The following VAV1 variants were observed in gnomAD, a reference collection of about 807,000 sequenced individuals.
The protein encoded by VAV1 is vav guanine nucleotide exchange factor 1, also known as proto-oncogene vav.
In VAV1, 33 loss-of-function variants were observed where a neutral mutation model predicts 128.1. The observed-to-expected ratio is 0.26, with a 90% confidence interval of 0.20 to 0.34. VAV1 has a LOEUF of 0.34. Among genes scored for constraint, VAV1 ranks in the 10% least tolerant of loss-of-function variants. The pLI is 1.00. For missense variants in VAV1, 715 were observed against 1,093.7 expected, an observed-to-expected ratio of 0.65 and a Z score of 4.88; for synonymous variants, 394 against 409.8, an observed-to-expected ratio of 0.96 and a Z score of 0.47.
chr19:6,823,765 C>T (rs1028170615), intron 6 of VAV1, among the ~76,000 whole-genome samples: 2 of 152,070 alleles, frequency 1.3e-5, no homozygotes, highest in Admixed American at 6.6e-5. Flanking sequence ...CCTCACCTCT[C>T]CATTTCTTTT....
chr19:6,836,876 A>G (rs77469557), intron 20 of VAV1, 109 bp from the exon 21 acceptor site: 1 of 688,236 alleles, frequency 1.5e-6, no homozygotes, highest in Non-Finnish European at 2.5e-6. Context: ...ACACACACAC[A>G]CACGAGTGAT....
At chr19:6,824,188 G>A (rs1971859519) in intron 6 of VAV1, among the ~76,000 whole-genome samples, 1 of 152,206 alleles carries the variant, frequency 6.6e-6, no homozygotes, top group South Asian at 2.1e-4. Flanking sequence ...TGATCCTCCT[G>A]CCTTGGCCTC....
intron 15 of VAV1, among the ~76,000 whole-genome samples, chr19:6,832,671 T>TTCCTCC (rs1972110680): frequency 1.6e-5 from 2 of 122,524 alleles, no homozygotes; most frequent in African/African-American, 6.3e-5. Context: ...CCTCCTCCTC[T>TTCCTCC]TCCTCCTCTT....
Position 6,850,571 on chromosome 19 carries a change from C to A in VAV1, c.2130-99C>A, listed in dbSNP as rs867152789. On this transcript the variant is annotated intron_variant, in intron 23 of 26. Transcript: ENST00000602142. ...TTGTCTTTGGTTTCCAGTAGTTACTCCTCCCTGAAGGGGTCAAGGTTGCTT... is the reference window on the plus strand; with the variant it reads ...TTGTCTTTGGTTTCCAGTAGTTACTACTCCCTGAAGGGGTCAAGGTTGCTT... 68 of 1,128,700 alleles carry A rather than the reference C, an allele frequency of 6.0e-5. 2 individuals carry two copies. In the South Asian group the frequency reaches 8.5e-4, roughly 14 times the overall value. The allele number at this position is 1,128,700 out of a possible 1,614,324, so 69.9% of individuals were successfully genotyped here.
At chr19:6,840,899 C>A (rs1225435540) in intron 21 of VAV1, among the ~76,000 whole-genome samples, 4 of 151,926 alleles carry the variant, frequency 2.6e-5, no homozygotes. Flanking sequence ...CCCACTTCAG[C>A]CTCGAGTAGC....
At chr19:6,851,588 T>A (rs1972676266) in intron 24 of VAV1, among the ~76,000 whole-genome samples, 1 of 152,206 alleles carries the variant, frequency 6.6e-6, no homozygotes, top group African/African-American at 2.4e-5. Context: ...CTAGCTTCAC[T>A]GAATGGCAGA....
intron 1 of VAV1, among the ~76,000 whole-genome samples, chr19:6,774,921 ATTTTT>A (rs61404391): frequency 1.5e-5 from 2 of 137,354 alleles, no homozygotes; most frequent in Non-Finnish European, 3.1e-5. Flanking sequence ...TGCCTGCCTA[ATTTTT>A]TTTTTTTTTT....
rs1328022683 is a variant in VAV1 at position 6,822,399 on chromosome 19, G to A, written c.559-20G>A. 6.4e-7 allele frequency: 1 copy of A among 1,554,902 alleles called. No homozygotes were observed. The stretch of plus-strand genomic sequence containing the variant: ...GGCAGCCCCAGGCCCCCCAACACCG[G>A]CCTCTCCCCTCGCTCTCAGCCCAAG... On this transcript the variant is annotated intron_variant, in intron 5 of 26. Transcript: ENST00000602142. This position sits in a 1 kb window ranked among gnomAD's most constrained non-coding sequence, Gnocchi z 5.9.
At position 6,828,385 on chromosome 19, in the gene VAV1, G is replaced by T; in HGVS notation, c.1024-34G>T. On this transcript the variant is annotated intron_variant, in intron 10 of 26. Transcript: ENST00000602142. The surrounding 1 kb of genome is among the most constrained non-coding windows in gnomAD (Gnocchi z 4.5). ...CCTCCCCGCAGGGAGAAGGGGAGGG[G>T]CCCAGGTGACGTCTGACGTCTTGGT... is the stretch of plus-strand genomic sequence containing the variant. 6.2e-7 allele frequency: 1 copy of T among 1,613,446 alleles called. No homozygotes were observed. Among genetic ancestry groups the T allele is most frequent in the South Asian group, 1.1e-5 (1 of 91,042 alleles).
At chr19:6,778,215 G>A (rs1023921089) in intron 1 of VAV1, among the ~76,000 whole-genome samples, 1 of 152,172 alleles carries the variant, frequency 6.6e-6, no homozygotes, top group Non-Finnish European at 1.5e-5. Flanking sequence ...AGGATTGCAG[G>A]CGTTAAGCCA....
chr19:6,825,227 G>T lies in VAV1; in HGVS notation c.724-76G>T, dbSNP rs924879068. The T allele has an allele frequency of 2.5e-6, 4 of 1,574,338 alleles. No individual in the cohort carries two copies. In the African/African-American group the frequency reaches 4.1e-5, roughly 16 times the overall value. ...GGTTGGGAGTTGAGCGGCATGGGGCGGGTGGATGACCCTTTCCTTCCTGGC... is the reference window on the plus strand; with the variant it reads ...GGTTGGGAGTTGAGCGGCATGGGGCTGGTGGATGACCCTTTCCTTCCTGGC... On this transcript the variant is annotated intron_variant, in intron 7 of 26. Transcript: ENST00000602142.
Position 6,843,688 on chromosome 19 carries a change from G to GT in VAV1, c.2012+527dup, listed in dbSNP as rs529940895. Among the ~76,000 whole-genome samples, 514 of 152,240 alleles carry GT rather than the reference G, an allele frequency of 3.4e-3. 2 individuals are homozygous for GT. The highest frequency in any genetic ancestry group is 0.012 in the African/African-American group (501 of 41,540). On this transcript the variant is annotated intron_variant, in intron 22 of 26. Coordinates refer to ENST00000602142, the MANE Select transcript of VAV1 (RefSeq NM_005428.4). The stretch of plus-strand genomic sequence containing the variant: ...TTAATGACAGTATCTACTTCATAGT[G>GT]TTTTTAGGAGGCGTAAATGAGTCTG...
At chr19:6,844,240 T>C (rs1392044981) in intron 22 of VAV1, among the ~76,000 whole-genome samples, 1 of 151,884 alleles carries the variant, frequency 6.6e-6, no homozygotes, top group African/African-American at 2.4e-5. Context: ...AGCATGATGA[T>C]GCTCCCATCT....
At chr19:6,813,480 A>G (rs1479068383) in intron 1 of VAV1, among the ~76,000 whole-genome samples, 1 of 152,186 alleles carries the variant, frequency 6.6e-6, no homozygotes, top group Admixed American at 6.5e-5. Context: ...TAACTTATGT[A>G]TGAATACTAG....
At chr19:6,841,166 T>C (rs1467667904) in intron 21 of VAV1, among the ~76,000 whole-genome samples, 1 of 151,656 alleles carries the variant, frequency 6.6e-6, no homozygotes, top group Non-Finnish European at 1.5e-5. Context: ...CCACCCTCCT[T>C]GGCTTCCCAA....
intron 1 of VAV1, among the ~76,000 whole-genome samples, chr19:6,818,758 G>GAGA (rs1011823776): frequency 6.6e-6 from 1 of 152,140 alleles, no homozygotes; most frequent in Non-Finnish European, 1.5e-5. Flanking sequence ...ACAGTGCAGG[G>GAGA]AGAAGGTGGC....
At chr19:6,817,587 T>A (rs375496500) in intron 1 of VAV1, among the ~76,000 whole-genome samples, 19 of 152,216 alleles carry the variant, frequency 1.2e-4, no homozygotes, top group African/African-American at 4.6e-4. Context: ...ACATTTTATT[T>A]GGGTGAGATA....
intron 1 of VAV1, among the ~76,000 whole-genome samples, chr19:6,792,596 G>C (rs1453342517): frequency 6.7e-6 from 1 of 150,250 alleles, no homozygotes; most frequent in Non-Finnish European, 1.5e-5. Context: ...TGTTTTTGTA[G>C]AGACAGGGTC....
At chr19:6,811,041 T>C (rs1971502756) in intron 1 of VAV1, among the ~76,000 whole-genome samples, 1 of 152,134 alleles carries the variant, frequency 6.6e-6, no homozygotes, top group Admixed American at 6.6e-5. Flanking sequence ...TTTCTATTTA[T>C]TTATTTATTT....
Sources: gnomAD v4.1 joint callset for allele counts (sites outside exome capture counted in the v4.1 genomes callset) on GRCh38, gnomAD v4.1.1 for gene constraint, Gnocchi (gnomAD v3.1) non-coding constraint, MANE v1.5 for transcripts, NCBI Gene and HGNC (gene_info 2026-07-23, HGNC 2026-07-21) for gene names.